The following SUCLG2 variants were observed in gnomAD, a reference collection of about 807,000 sequenced individuals.
SUCLG2 encodes succinate-CoA ligase GDP-forming subunit beta, also known as succinate--CoA ligase [GDP-forming] subunit beta, mitochondrial.
Under a neutral mutation model 47.9 loss-of-function variants are expected in SUCLG2, and 42 were observed. The ratio of observed to expected loss-of-function variants is 0.88; its 90% CI spans 0.69 to 1.14. The LOEUF (loss-of-function observed/expected upper bound fraction) is 1.14, where lower values mean the gene tolerates loss of function less well. SUCLG2 is among the 50% of genes most tolerant of loss of function. The pLI is 0.00. For missense variants in SUCLG2, 571 were observed against 525.9 expected (o/e 1.09, Z -0.84); for synonymous variants, 195 against 197.3 (o/e 0.99, Z 0.10).
chr3:67,610,391 T>C (rs9813992), intron 1 of SUCLG2, among the ~76,000 whole-genome samples: 73,796 of 151,694 alleles, frequency 0.49, 18,837 homozygotes, highest in African/African-American at 0.64. Context: ...TGTTTATCTG[T>C]GTTAAAAGGA....
chr3:67,503,187 T>G (rs373701317), intron 7 of SUCLG2, among the ~76,000 whole-genome samples: 56 of 152,290 alleles, frequency 3.7e-4, no homozygotes, highest in African/African-American at 1.2e-3. Flanking sequence ...CAGAAAAAGT[T>G]TGCCAATCCC....
At chr3:67,626,347 G>A (rs1022027388) in intron 1 of SUCLG2, among the ~76,000 whole-genome samples, 7 of 151,122 alleles carry the variant, frequency 4.6e-5, no homozygotes, top group African/African-American at 1.2e-4. Flanking sequence ...GCGGGGGCTC[G>A]GGCAACCATC....
At chr3:67,456,533 G>C (rs936597305) in intron 9 of SUCLG2, among the ~76,000 whole-genome samples, 5 of 152,184 alleles carry the variant, frequency 3.3e-5, no homozygotes, top group African/African-American at 1.2e-4. Context: ...TGTGATCCAT[G>C]GTATGTGAGG....
At chr3:67,643,752 C>A (rs1413951793) in intron 1 of SUCLG2, among the ~76,000 whole-genome samples, 1 of 152,228 alleles carries the variant, frequency 6.6e-6, no homozygotes, top group Non-Finnish European at 1.5e-5. Flanking sequence ...AACCCACCAT[C>A]TGCAACCTCC....
chr3:67,370,693 T>G (rs569104878), downstream of SUCLG2, among the ~76,000 whole-genome samples: 2 of 152,176 alleles, frequency 1.3e-5, no homozygotes, highest in African/African-American at 2.4e-5. Context: ...GGAATAAAAT[T>G]GAACAATTAT....
At chr3:67,525,360 T>C (rs1706227941) in intron 4 of SUCLG2, among the ~76,000 whole-genome samples, 1 of 152,194 alleles carries the variant, frequency 6.6e-6, no homozygotes, top group Non-Finnish European at 1.5e-5. Context: ...AGAGTTATTC[T>C]ACTCAATTTC....
chr3:67,448,132 T>C (rs2106929814), intron 9 of SUCLG2, among the ~76,000 whole-genome samples: 1 of 152,268 alleles, frequency 6.6e-6, no homozygotes, highest in South Asian at 2.1e-4. Context: ...TTCATAAGGA[T>C]ATATAGATGA....
Position 67,508,792 on chromosome 3 carries a change from C to CT in SUCLG2, c.757+14dup, listed in dbSNP as rs375093108. Reference sequence around the variant, plus strand: ...AATACATTCATTTGTTTTCTCAATTCTTTTTTTTTTTTACCTTGTCCTTCT... The same window carrying CT: ...AATACATTCATTTGTTTTCTCAATTCTTTTTTTTTTTTTACCTTGTCCTTCT... On this transcript the variant is annotated intron_variant, in intron 7 of 10. Transcript: ENST00000307227. 0.021 allele frequency: 24,964 copies of CT among 1,174,358 alleles called. No homozygotes were observed. Among genetic ancestry groups the CT allele is most frequent in the Non-Finnish European group, 0.024 (20,349 of 842,028 alleles). 72.7% of individuals were successfully genotyped at this position (1,174,358 alleles called of 1,614,324 possible).
At chr3:67,496,741 C>G (rs927694777) in intron 8 of SUCLG2, among the ~76,000 whole-genome samples, 1 of 151,788 alleles carries the variant, frequency 6.6e-6, no homozygotes. Flanking sequence ...TTTTATTGAT[C>G]AATTGCACTT....
chr3:67,383,479 T>G (rs1389400662), intron 10 of SUCLG2, among the ~76,000 whole-genome samples: 1 of 152,198 alleles, frequency 6.6e-6, no homozygotes, highest in Non-Finnish European at 1.5e-5. Flanking sequence ...ATATTCTGTG[T>G]GGCTGTATTG....
At chr3:67,372,207 A>G (rs1305560576), downstream of SUCLG2, among the ~76,000 whole-genome samples, 1 of 152,210 alleles carries the variant, frequency 6.6e-6, no homozygotes, top group Non-Finnish European at 1.5e-5. Context: ...TGTCATACAG[A>G]AAGTTTTACT....
At chr3:67,481,169 G>A (rs1704904838) in intron 9 of SUCLG2, among the ~76,000 whole-genome samples, 1 of 152,130 alleles carries the variant, frequency 6.6e-6, no homozygotes, top group Non-Finnish European at 1.5e-5. Flanking sequence ...CTAAAAAATT[G>A]ATATTCCTCT....
At chr3:67,469,470 C>T (rs2106979749) in intron 9 of SUCLG2, among the ~76,000 whole-genome samples, 1 of 152,292 alleles carries the variant, frequency 6.6e-6, no homozygotes, top group African/African-American at 2.4e-5. Flanking sequence ...TGGCTCACGC[C>T]TGTAATTATA....
chr3:67,382,773 C>T (rs550983273), intron 10 of SUCLG2, among the ~76,000 whole-genome samples: 2 of 152,248 alleles, frequency 1.3e-5, no homozygotes, highest in South Asian at 2.1e-4. Flanking sequence ...AGCATGGCCT[C>T]GAAAGCCTAA....
intron 9 of SUCLG2, among the ~76,000 whole-genome samples, chr3:67,472,756 T>C (rs1361809822): frequency 2.6e-5 from 4 of 152,144 alleles, no homozygotes; most frequent in Admixed American, 2.6e-4. Context: ...AACTTGTAGG[T>C]GTAGGGTTAA....
At chr3:67,565,311 T>C (rs773121798) in intron 2 of SUCLG2, among the ~76,000 whole-genome samples, 7 of 152,222 alleles carry the variant, frequency 4.6e-5, no homozygotes, top group Non-Finnish European at 8.8e-5. Flanking sequence ...TAATAAAAAC[T>C]CTACTAAATA....
intron 5 of SUCLG2, among the ~76,000 whole-genome samples, chr3:67,519,736 T>G (rs1706044675): frequency 6.6e-6 from 1 of 152,228 alleles, no homozygotes; most frequent in Non-Finnish European, 1.5e-5. Flanking sequence ...GAACCCAGAT[T>G]AAAAACTTCA....
At chr3:67,457,739 A>G (rs934241215) in intron 9 of SUCLG2, among the ~76,000 whole-genome samples, 13 of 125,030 alleles carry the variant, frequency 1.0e-4, no homozygotes, top group African/African-American at 4.2e-4. Context: ...AACAGCTACC[A>G]CTACTATTAC....
At chr3:67,411,478 C>T (rs530943971) in intron 9 of SUCLG2, among the ~76,000 whole-genome samples, 1 of 152,048 alleles carries the variant, frequency 6.6e-6, no homozygotes, top group Non-Finnish European at 1.5e-5. Flanking sequence ...TATCAAAACC[C>T]TAGTGGATAA....
Sources: gnomAD v4.1 joint callset for allele counts (sites outside exome capture counted in the v4.1 genomes callset) on GRCh38, gnomAD v4.1.1 for gene constraint, MANE v1.5 for transcripts, NCBI Gene and HGNC (gene_info 2026-07-23, HGNC 2026-07-21) for gene names.